The following GAS2 variants were observed in gnomAD, a reference collection of about 807,000 sequenced individuals.
The protein encoded by GAS2 is growth arrest specific 2.
GAS2 carries 20 observed loss-of-function variants against 37.5 expected under a neutral mutation model. The observed-to-expected ratio is 0.53, with a 90% confidence interval of 0.37 to 0.77. The LOEUF is 0.77. GAS2 is among the 30% of genes least tolerant of loss of function. The pLI, the probability that GAS2 is intolerant of heterozygous loss-of-function variation, is 0.00. For synonymous variants in GAS2, 144 were observed against 132.2 expected, an observed-to-expected ratio of 1.09 and a Z score of -0.61; for missense variants, 336 against 373.4, an observed-to-expected ratio of 0.90 and a Z score of 0.82.
intron 3 of GAS2, among the ~76,000 whole-genome samples, chr11:22,710,141 A>G (rs978907306): frequency 4.1e-4 from 62 of 152,230 alleles, no homozygotes; most frequent in African/African-American, 1.4e-3. Flanking sequence ...GTGCACATGT[A>G]CCCTAAAACT....
chr11:22,634,763 C>T (rs1858798766), intron 1 of GAS2, among the ~76,000 whole-genome samples: 1 of 152,114 alleles, frequency 6.6e-6, no homozygotes, highest in Non-Finnish European at 1.5e-5. Flanking sequence ...TAGTGGGTAC[C>T]AGCAGAAGTT....
Position 22,807,377 on chromosome 11 carries a change from T to C in GAS2, c.724-4421T>C, listed in dbSNP as rs183449406. On this transcript the variant is annotated intron_variant, in intron 7 of 7. Coordinates refer to ENST00000454584, the MANE Select transcript of GAS2 (RefSeq NM_001143830.3). ...TTCTTAAGGTGTCCGTATAAGGCAG[T>C]GTCTCACGTAAGATGTTTTAAAGGA... Among the ~76,000 whole-genome samples the C allele has an allele frequency of 2.0e-5, 3 of 152,366 alleles. No individual in the cohort carries two copies. In the East Asian group the frequency reaches 5.8e-4, roughly 29 times the overall value.
chr11:22,784,734 A>G (rs1303870848), intron 7 of GAS2, among the ~76,000 whole-genome samples: 5 of 152,118 alleles, frequency 3.3e-5, no homozygotes, highest in Non-Finnish European at 7.4e-5. Context: ...TCCTACAAAT[A>G]TGTTCTCATA....
At chr11:22,796,921 A>G (rs1856453074) in intron 7 of GAS2, among the ~76,000 whole-genome samples, 1 of 152,080 alleles carries the variant, frequency 6.6e-6, no homozygotes, top group Non-Finnish European at 1.5e-5. Context: ...TAAATAGGTT[A>G]TTATATCTGT....
intron 7 of GAS2, among the ~76,000 whole-genome samples, chr11:22,809,751 C>T (rs1428008095): frequency 6.6e-6 from 1 of 151,804 alleles, no homozygotes; most frequent in African/African-American, 2.4e-5. Flanking sequence ...ACCTCGGCCT[C>T]CCAAAGTGTT....
intron 5 of GAS2, among the ~76,000 whole-genome samples, chr11:22,747,593 A>T (rs1853481594): frequency 6.6e-6 from 1 of 152,074 alleles, no homozygotes; most frequent in African/African-American, 2.4e-5. Context: ...AAAATAAAAG[A>T]CTTGCATGTC....
At chr11:22,692,572 G>A (rs1283633192) in intron 3 of GAS2, among the ~76,000 whole-genome samples, 1 of 152,190 alleles carries the variant, frequency 6.6e-6, no homozygotes, top group Non-Finnish European at 1.5e-5. Flanking sequence ...GAGAGAAATA[G>A]TCGCATTCTT....
intron 1 of GAS2, among the ~76,000 whole-genome samples, chr11:22,671,449 G>C: frequency 6.6e-6 from 1 of 151,848 alleles, no homozygotes; most frequent in East Asian, 1.9e-4. Context: ...TAAAATACTT[G>C]GACTATATAC....
chr11:22,765,057 C>T (rs1179572592), intron 7 of GAS2, among the ~76,000 whole-genome samples: 1 of 152,250 alleles, frequency 6.6e-6, no homozygotes, highest in Non-Finnish European at 1.5e-5. Context: ...AGTCAAATGA[C>T]GTCATTGAAA....
intron 1 of GAS2, among the ~76,000 whole-genome samples, chr11:22,670,792 A>G (rs1339663797): frequency 3.9e-5 from 6 of 152,130 alleles, no homozygotes; most frequent in Non-Finnish European, 7.4e-5. Flanking sequence ...TAGTGGACCT[A>G]TTATTTGACC....
intron 7 of GAS2, among the ~76,000 whole-genome samples, chr11:22,768,165 A>G (rs1326862044): frequency 6.6e-6 from 1 of 152,200 alleles, no homozygotes; most frequent in South Asian, 2.1e-4. Context: ...GGAGCTCTTT[A>G]TGTAGGTTTT....
At chr11:22,697,912 T>G (rs1032996464) in intron 3 of GAS2, among the ~76,000 whole-genome samples, 6 of 152,214 alleles carry the variant, frequency 3.9e-5, no homozygotes, top group Non-Finnish European at 7.3e-5. Context: ...TGACTTCCTC[T>G]TTTCCTAATT....
intron 5 of GAS2, among the ~76,000 whole-genome samples, chr11:22,748,460 G>A (rs994498518): frequency 1.2e-4 from 18 of 151,968 alleles, no homozygotes; most frequent in African/African-American, 4.1e-4. Context: ...AACTTTTCTG[G>A]CATTTATAAT....
chr11:22,751,539 C>G (rs1213011827), intron 6 of GAS2, among the ~76,000 whole-genome samples: 2 of 151,972 alleles, frequency 1.3e-5, no homozygotes, highest in Non-Finnish European at 2.9e-5. Context: ...ATCAATGTAG[C>G]TAATTAAGGT....
chr11:22,773,371 A>G (rs1855085059), intron 7 of GAS2, among the ~76,000 whole-genome samples: 1 of 145,312 alleles, frequency 6.9e-6, no homozygotes, highest in South Asian at 2.2e-4. Context: ...TTTATGTCCA[A>G]TGTCACACCT....
intron 7 of GAS2, among the ~76,000 whole-genome samples, chr11:22,779,320 C>A (rs1855431658): frequency 6.6e-6 from 1 of 152,136 alleles, no homozygotes; most frequent in Non-Finnish European, 1.5e-5. Flanking sequence ...ACACCTATGT[C>A]TGAGTTCTTG....
chr11:22,697,638 T>A (rs1340662646), intron 3 of GAS2, among the ~76,000 whole-genome samples: 1 of 152,132 alleles, frequency 6.6e-6, no homozygotes, highest in African/African-American at 2.4e-5. Context: ...GGTTTGTAGT[T>A]CTCCTTGAAG....
At chr11:22,629,034 T>G (rs1001848832) in intron 1 of GAS2, among the ~76,000 whole-genome samples, 1 of 152,108 alleles carries the variant, frequency 6.6e-6, no homozygotes, top group Admixed American at 6.5e-5. Context: ...TATGCATGTG[T>G]GTATATATAT....
intron 3 of GAS2, among the ~76,000 whole-genome samples, chr11:22,686,553 TAAAAAAAAAAAAAAAAAAAAAAAAA>T (rs576718774): frequency 1.1e-4 from 5 of 47,248 alleles, no homozygotes; most frequent in East Asian, 8.0e-4. Flanking sequence ...CCGTCTCTAC[TAAAAAAAAAAAAAAAAAAAAAAAAA>T]AAAAAAAAAA....
Sources: gnomAD v4.1 joint callset for allele counts (sites outside exome capture counted in the v4.1 genomes callset) on GRCh38, gnomAD v4.1.1 for gene constraint, MANE v1.5 for transcripts, NCBI Gene and HGNC (gene_info 2026-07-23, HGNC 2026-07-21) for gene names.